The following DNAI3 variants were observed in gnomAD, a reference collection of about 807,000 sequenced individuals.
DNAI3 encodes WD repeat domain 63.
Under a neutral mutation model 115.5 loss-of-function variants are expected in DNAI3, and 83 were observed. The observed-to-expected ratio is 0.72, with a 90% CI of 0.60 to 0.86. The LOEUF (loss-of-function observed/expected upper bound fraction) is 0.86. Ranked by LOEUF, DNAI3 falls within the 40% of genes least tolerant of loss-of-function variation. DNAI3 has a pLI of 0.00. For missense variants in DNAI3, 1,004 were observed against 1,075.8 expected, an observed-to-expected ratio of 0.93 and a Z score of 0.93; for synonymous variants, 320 against 347.0, an observed-to-expected ratio of 0.92 and a Z score of 0.86.
intron 1 of DNAI3, among the ~76,000 whole-genome samples, chr1:85,070,490 C>T (rs1329559021): frequency 3.0e-5 from 1 of 33,784 alleles, no homozygotes; most frequent in Admixed American, 4.3e-4. Context: ...CTCTTGGGGC[C>T]TCGTTTTTCT....
chr1:85,122,487 C>T (rs1034960933), intron 18 of DNAI3, among the ~76,000 whole-genome samples: 4 of 152,220 alleles, frequency 2.6e-5, no homozygotes, highest in Admixed American at 2.6e-4. Flanking sequence ...ACAATTATAA[C>T]TGCTCATTTT....
Position 85,126,597 on chromosome 1 carries a change from C to A in DNAI3, c.2199C>A (p.Ile733=). 5 of 1,614,124 alleles carry A rather than the reference C, an allele frequency of 3.1e-6. No homozygotes were observed. Among genetic ancestry groups the A allele is most frequent in the Non-Finnish European group, 4.2e-6 (5 of 1,179,996 alleles). Residue 733 remains isoleucine, a synonymous_variant, in exon 20 of 23, where the codon ATC becomes ATA. Transcript: ENST00000294664. ...TGACTCGGCCCGGAGTTTTCTACATCGGCCGAGAAGATGGATACATTGATA... is the reference window on the plus strand; with the variant it reads ...TGACTCGGCCCGGAGTTTTCTACATAGGCCGAGAAGATGGATACATTGATA... ...WSLTRPGVFY[I]GREDGYIDIW...
Position 85,071,945 on chromosome 1 carries a change from G to T in DNAI3, c.4G>T (p.Ala2Ser). 1 of 1,611,440 alleles carries T rather than the reference G, an allele frequency of 6.2e-7. No homozygotes were observed. The highest frequency in any genetic ancestry group is 1.1e-5 in the South Asian group (1 of 90,094). The change falls in exon 2 of 23, where the codon GCT becomes TCT. Residue 2 changes from alanine (A) to serine (S), a missense_variant. Around this residue, in one of 3 missense-constraint regions of DNAI3, gnomAD observed 550 missense variants for 568.1 expected, o/e 0.97. Transcript: ENST00000294664. ...TTATGCAGCCCAAGTCAGAACCATG[G>T]CTCCAAAACAAAAGAAAAAGACATC... Reference protein sequence around the residue: MAPKQKKKTSRG... With the variant: MSPKQKKKTSRG...
At position 85,117,449 on chromosome 1, in the gene DNAI3, G is replaced by A. The variant is rs367972132; in HGVS notation, c.1787-280G>A. On this transcript the variant is annotated intron_variant, in intron 16 of 22. Coordinates refer to ENST00000294664, the MANE Select transcript of DNAI3 (RefSeq NM_145172.5). ...TACTTTTAAAAAGAAACAGGTTGCC[G>A]ATGATGTTTGTGTTTCAGCCCCCGA... 1.8e-4 allele frequency among the ~76,000 whole-genome samples: 28 copies of A among 152,262 alleles called. 1 individual carries two copies. The highest frequency in any genetic ancestry group is 5.2e-4 in the Admixed American group (8 of 15,292).
chr1:85,072,751 G>A (rs372750302), intron 2 of DNAI3, among the ~76,000 whole-genome samples: 21 of 151,488 alleles, frequency 1.4e-4, no homozygotes, highest in Non-Finnish European at 2.1e-4. Flanking sequence ...GTCAGGAGAT[G>A]GAGACCATCC....
At chr1:85,077,959 T>C (rs1425634936) in intron 3 of DNAI3, among the ~76,000 whole-genome samples, 1 of 152,208 alleles carries the variant, frequency 6.6e-6, no homozygotes. Context: ...ATGTGTAACC[T>C]ATGATTTATA....
At chr1:85,081,616 C>T (rs1654635271) in intron 4 of DNAI3, among the ~76,000 whole-genome samples, 1 of 152,114 alleles carries the variant, frequency 6.6e-6, no homozygotes, top group Admixed American at 6.5e-5. Flanking sequence ...TATCTAATCC[C>T]ACACCCAGAA....
At chr1:85,089,911 G>T (rs868721262) in intron 7 of DNAI3, among the ~76,000 whole-genome samples, 19 of 152,062 alleles carry the variant, frequency 1.2e-4, no homozygotes, top group Non-Finnish European at 2.2e-4. Flanking sequence ...AGATTTTTTT[G>T]ATTATGTTGG....
Position 85,116,024 on chromosome 1 carries a change from A to G in DNAI3, c.1787-1705A>G, listed in dbSNP as rs376850705. Among the ~76,000 whole-genome samples the G allele has an allele frequency of 9.2e-5, 14 of 152,126 alleles. No individual in the cohort carries two copies. In the South Asian group the frequency reaches 2.7e-3, roughly 29 times the overall value. On this transcript the variant is annotated intron_variant, in intron 16 of 22. Transcript: ENST00000294664. ...TTCTCTTAGCATCTGTGATTTTCCT[A>G]TCCTGCTACTTCTTCCGTTATTCCT...
chr1:85,098,253 A>G (rs1655186070), intron 12 of DNAI3, among the ~76,000 whole-genome samples: 1 of 152,224 alleles, frequency 6.6e-6, no homozygotes, highest in Non-Finnish European at 1.5e-5. Flanking sequence ...TATAGGCACA[A>G]AGAAATACTC....
At chr1:85,131,986 C>T (rs1656339071) in intron 22 of DNAI3, among the ~76,000 whole-genome samples, 1 of 152,098 alleles carries the variant, frequency 6.6e-6, no homozygotes, top group Admixed American at 6.5e-5. Context: ...TAAGTAAAGC[C>T]ACCACTTCTC....
chr1:85,101,709 C>T (rs1655321235), intron 13 of DNAI3, among the ~76,000 whole-genome samples: 1 of 102,070 alleles, frequency 9.8e-6, no homozygotes. Flanking sequence ...GCCTGGGCGA[C>T]AGAGCGAGAC....
intron 9 of DNAI3, chr1:85,093,950 T>C: frequency 1.9e-6 from 1 of 535,698 alleles, no homozygotes; most frequent in Non-Finnish European, 3.6e-6. Context: ...GGCTTGGGCC[T>C]GTTGCTCTCC....
chr1:85,067,165 G>A (rs545435906), intron 1 of DNAI3, among the ~76,000 whole-genome samples: 42 of 152,146 alleles, frequency 2.8e-4, no homozygotes, highest in African/African-American at 9.6e-4. Flanking sequence ...TGTTTCTATC[G>A]ATGGTGCCTA....
rs902754971 is a variant in DNAI3, at chr1:85,085,934, C to G, written c.644C>G (p.Ala215Gly). The change falls in exon 7 of 23, where the codon GCC (alanine) becomes GGC (glycine). Residue 215 changes from alanine to glycine, a missense_variant. Around this residue, in one of 3 missense-constraint regions of DNAI3, gnomAD observed 550 missense variants for 568.1 expected, o/e 0.97. Coordinates refer to ENST00000294664, the MANE Select transcript of DNAI3 (RefSeq NM_145172.5). ...SVKDAYIECT[A>G]YPDKNFTLKQ... Reference sequence around the variant, plus strand: ...AAAGATGCCTATATTGAATGTACAGCCTACCCAGATAAAAATTTTACCCTT... The same window carrying G: ...AAAGATGCCTATATTGAATGTACAGGCTACCCAGATAAAAATTTTACCCTT... The G allele has an allele frequency of 8.1e-6, 13 of 1,613,970 alleles. No homozygotes were observed. The highest frequency in any genetic ancestry group is 4.4e-5 in the South Asian group (4 of 91,090).
intron 16 of DNAI3, among the ~76,000 whole-genome samples, chr1:85,114,141 T>C (rs1309464059): frequency 6.6e-6 from 1 of 151,382 alleles, no homozygotes; most frequent in Non-Finnish European, 1.5e-5. Flanking sequence ...GCCTCCCGAG[T>C]AGCTGGGACC....
At chr1:85,093,862 C>T in intron 9 of DNAI3, 1 of 674,234 alleles carries the variant, frequency 1.5e-6, no homozygotes, top group Non-Finnish European at 2.7e-6. Flanking sequence ...CTCTGTTTCA[C>T]AACAAAAGGA....
intron 22 of DNAI3, among the ~76,000 whole-genome samples, chr1:85,130,683 A>AGAT (rs1299069954): frequency 4.8e-5 from 4 of 83,604 alleles, no homozygotes; most frequent in Non-Finnish European, 7.3e-5. Context: ...ATAGATAGAT[A>AGAT]GATAGATAGA....
At chr1:85,082,549 A>C in intron 5 of DNAI3, 145 bp downstream of exon 5, 1 of 650,914 alleles carries the variant, frequency 1.5e-6, no homozygotes, top group Non-Finnish European at 2.7e-6. Context: ...GGCCCAAGTG[A>C]TCCTCCCACC....
Sources: allele counts gnomAD v4.1 joint callset (sites outside exome capture counted in the v4.1 genomes callset), GRCh38; gene constraint gnomAD v4.1.1; regional missense constraint gnomAD v4.1.1; transcripts MANE v1.5; gene names NCBI Gene and HGNC (gene_info 2026-07-23, HGNC 2026-07-21).